Variants in PASK observed in about 807,000 individuals in gnomAD.
The protein encoded by PASK is PAS domain containing serine/threonine kinase, also known as PAS domain-containing serine/threonine-protein kinase.
In PASK, 110 loss-of-function variants were observed where a neutral mutation model predicts 121.0. The ratio of observed to expected loss-of-function variants is 0.91; its 90% CI spans 0.78 to 1.06. The LOEUF (loss-of-function observed/expected upper bound fraction) is 1.06, where lower values mean the gene tolerates loss of function less well. Among genes scored for constraint, PASK ranks in the 50% least tolerant of loss-of-function variants. PASK has a pLI of 0.00. For missense variants in PASK, 1,643 were observed against 1,702.3 expected, an observed-to-expected ratio of 0.97 and a Z score of 0.61; for synonymous variants, 686 against 717.8, an observed-to-expected ratio of 0.96 and a Z score of 0.71.
Position 241,142,922 on chromosome 2 carries a change from G to A in PASK, c.111C>T (p.Pro37=), listed in dbSNP as rs374520457. 2.1e-5 allele frequency: 34 copies of A among 1,613,872 alleles called. No homozygotes were observed. Among genetic ancestry groups the A allele is most frequent in the Non-Finnish European group, 2.8e-5 (33 of 1,179,890 alleles). The change falls in exon 2 of 18, where the codon CCC becomes CCT. Residue 37 remains proline, a synonymous_variant. Coordinates refer to ENST00000234040, the MANE Select transcript of PASK (RefSeq NM_015148.4). The part of the protein sequence containing the change: ...EGPAAQTTAE[P]SRSFSSAHRH... ...TGTGGGCTGAGGAAAACGACCTGCT[G>A]GGCTCAGCAGTGGTCTGTGCAGCTG...
At chr2:241,147,435 T>C (rs146409125) in intron 1 of PASK, among the ~76,000 whole-genome samples, 1 of 152,030 alleles carries the variant, frequency 6.6e-6, no homozygotes, top group Non-Finnish European at 1.5e-5. Context: ...CTGGGCAACA[T>C]AGGGAGACCC....
At chr2:241,133,336 C>T (rs1040649553) in intron 8 of PASK, 1 of 429,024 alleles carries the variant, frequency 2.3e-6, no homozygotes, top group South Asian at 2.1e-5. Flanking sequence ...GCCGAAGTCT[C>T]GGCCATGGCC....
chr2:241,139,688 G>A (rs6728712), intron 4 of PASK, 197 bp downstream of exon 4: 66,501 of 709,254 alleles, frequency 0.094, 4,447 homozygotes, highest in African/African-American at 0.26. Flanking sequence ...GCGATGATTC[G>A]TTCTTAAAGG....
In PASK at chr2:241,115,365, TC is replaced by T. The variant is rs2065283944; in HGVS notation, c.3120del (p.Trp1040Ter). Reference protein sequence around the residue: ...IKKEKVLEDCWIEDPKLGKVT... With the variant: ...IKKEKVLEDCXIEDPKLGKVT... ...ACTTTCCCAAGTTTGGGATCCTCAA[TC>T]CAACAATCCTCCAAGACCTTCTCCT... On this transcript the variant is annotated frameshift_variant, in exon 13 of 18. Transcript: ENST00000234040. LOFTEE classifies it high-confidence loss of function. The T allele has an allele frequency of 6.2e-7, 1 of 1,613,630 alleles. No individual in the cohort carries two copies. Among genetic ancestry groups the T allele is most frequent in the Non-Finnish European group, 8.5e-7 (1 of 1,179,748 alleles).
intron 4 of PASK, chr2:241,139,591 C>T (rs1321444629): frequency 4.6e-6 from 3 of 647,716 alleles, no homozygotes; most frequent in East Asian, 3.3e-5. Flanking sequence ...GACTGCAAAA[C>T]ATTAGTGAAG....
chr2:241,149,448 A>G lies in PASK; in HGVS notation c.-77T>C, dbSNP rs1025871984. ...GCGAGGGTCACGCCAAGCCGGCTAC[A>G]CACCACGGAAAGGAGCCCTTCCGCG... On this transcript the variant is annotated 5_prime_UTR_variant, in exon 1 of 18. Coordinates refer to ENST00000234040, the MANE Select transcript of PASK (RefSeq NM_015148.4). The G allele has an allele frequency of 3.3e-5, 19 of 574,974 alleles. 1 individual carries two copies. The Admixed American group carries it at 4.1e-4, about 12-fold the overall frequency. 35.6% of individuals were successfully genotyped at this position (574,974 alleles called of 1,614,324 possible).
At chr2:241,126,069 A>C (rs1344695038) in intron 10 of PASK, 127 bp downstream of exon 10, 1 of 836,850 alleles carries the variant, frequency 1.2e-6, no homozygotes, top group African/African-American at 1.7e-5. Flanking sequence ...CTCCTTGAAA[A>C]CATGATTTCT....
chr2:241,113,475 C>CATACACACGTGTGCAT (rs1316779647), intron 14 of PASK: 7 of 151,000 alleles, frequency 4.6e-5, no homozygotes, highest in African/African-American at 1.7e-4. Flanking sequence ...TACACACCTG[C>CATACACACGTGTGCAT]ATACACACGT....
chr2:241,134,288 G>A (rs1462401983), intron 8 of PASK: 3 of 152,202 alleles, frequency 2.0e-5, no homozygotes, highest in Non-Finnish European at 2.9e-5. Flanking sequence ...CTGGAAAAAG[G>A]GGAAGGGGAA....
intron 8 of PASK, 27 bp downstream of exon 8, chr2:241,135,844 G>A (rs200707101): frequency 8.7e-6 from 14 of 1,604,604 alleles, no homozygotes; most frequent in South Asian, 6.6e-5. Flanking sequence ...AGCTACAGGC[G>A]CATTCAGGAG....
At chr2:241,139,664 C>T (rs2066609432) in intron 4 of PASK, 1 of 704,536 alleles carries the variant, frequency 1.4e-6, no homozygotes, top group Non-Finnish European at 2.7e-6. Context: ...GCCACAGCCA[C>T]AGTGTCCATT....
chr2:241,120,001 ACAAT>A (rs745875931), intron 12 of PASK, among the ~76,000 whole-genome samples: 18 of 152,296 alleles, frequency 1.2e-4, no homozygotes, highest in South Asian at 1.0e-3. Context: ...TCCATAAAGT[ACAAT>A]CAATGTGAGA....
chr2:241,107,610 G>T (rs757211144), intron 16 of PASK, 111 bp from the exon 17 acceptor site: 6 of 1,045,726 alleles, frequency 5.7e-6, no homozygotes, highest in Admixed American at 1.7e-5. Context: ...TGGGCAGGTG[G>T]CGGCCCAGGA....
At chr2:241,113,987 T>C (rs1028784116) in intron 14 of PASK, 2 of 980,456 alleles carry the variant, frequency 2.0e-6, no homozygotes, top group Non-Finnish European at 2.4e-6. Flanking sequence ...AGAGATTCTT[T>C]TGGCAAAAAT....
Position 241,106,504 on chromosome 2 carries a change from T to C in PASK, c.*62A>G. On this transcript the variant is annotated 3_prime_UTR_variant, in exon 18 of 18. Transcript: ENST00000234040. ...TCAGAATGTATTTTCTCCAAACAGA[T>C]GGAGCCTGAAAACTGTGTGATTTTC... 1.9e-6 allele frequency: 3 copies of C among 1,552,314 alleles called. No homozygotes were observed. The highest frequency in any genetic ancestry group is 2.2e-5 in the East Asian group (1 of 44,610).
At chr2:241,113,393 CATACCT>C (rs1264134153) in intron 14 of PASK, 3 of 151,936 alleles carry the variant, frequency 2.0e-5, no homozygotes, top group African/African-American at 7.3e-5. Flanking sequence ...TTTATATATA[CATACCT>C]GCATATTTAT....
chr2:241,149,765 G>T (rs2067197353), upstream of PASK: 89 of 1,538,716 alleles, frequency 5.8e-5, no homozygotes, highest in Admixed American at 7.8e-5. Context: ...GAGGACGCGG[G>T]GCGGCTCGTT....
intron 15 of PASK, among the ~76,000 whole-genome samples, chr2:241,111,245 C>T (rs537305935): frequency 8.5e-4 from 130 of 152,210 alleles, no homozygotes; most frequent in Admixed American, 1.1e-3. Context: ...TGAGGGACCC[C>T]GTGTGCCTCT....
At chr2:241,132,101 T>TACACAC (rs1021384064) in intron 9 of PASK, among the ~76,000 whole-genome samples, 2 of 142,354 alleles carry the variant, frequency 1.4e-5, no homozygotes, top group Non-Finnish European at 3.1e-5. Flanking sequence ...GGGTTAAAAA[T>TACACAC]ACACACACAC....
Sources: gnomAD v4.1 joint callset for allele counts (sites outside exome capture counted in the v4.1 genomes callset) on GRCh38, gnomAD v4.1.1 for gene constraint, MANE v1.5 for transcripts, NCBI Gene and HGNC (gene_info 2026-07-23, HGNC 2026-07-21) for gene names.